The following TTC28 variants were observed in gnomAD, a reference collection of about 807,000 sequenced individuals.
TTC28 encodes tetratricopeptide repeat protein 28.
TTC28 carries 61 observed loss-of-function variants against 198.0 expected under a neutral mutation model. That is an observed-to-expected ratio of 0.31 (90% CI 0.25 to 0.38). The LOEUF (loss-of-function observed/expected upper bound fraction) is 0.38, where lower values mean the gene tolerates loss of function less well. Ranked by LOEUF, TTC28 falls within the 10% of genes least tolerant of loss-of-function variation. The pLI is 1.00. For synonymous variants in TTC28, 1,171 were observed against 1,297.8 expected (o/e 0.90, Z 2.10); for missense variants, 2,678 against 3,164.0 (o/e 0.85, Z 3.69).
rs2146895399 is a variant in TTC28 at position 28,105,929 on chromosome 22, G to C, written c.2784-127C>G. 7.7e-6 allele frequency: 9 copies of C among 1,165,598 alleles called. No homozygotes were observed. In the South Asian group the frequency reaches 1.5e-4, roughly 19 times the overall value. 72.2% of individuals were successfully genotyped at this position (1,165,598 alleles called of 1,614,324 possible). ...ATAGAAGCTCTTAACTCCTCTTCTA[G>C]CTAAAATCTATCATGTGCCCTTAGA... is the stretch of plus-strand genomic sequence containing the variant. On this transcript the variant is annotated intron_variant, in intron 7 of 22. Coordinates refer to ENST00000397906, the MANE Select transcript of TTC28 (RefSeq NM_001145418.2).
chr22:28,191,993 C>G (rs1218528247), intron 5 of TTC28, among the ~76,000 whole-genome samples: 1 of 152,238 alleles, frequency 6.6e-6, no homozygotes, highest in East Asian at 1.9e-4. Flanking sequence ...ACTGCCTCCT[C>G]AGGTGGGTCC....
At chr22:28,270,391 T>C (rs1931983187) in intron 5 of TTC28, among the ~76,000 whole-genome samples, 1 of 152,180 alleles carries the variant, frequency 6.6e-6, no homozygotes, top group African/African-American at 2.4e-5. Context: ...ATGATGGCTC[T>C]AGCAATACTA....
At chr22:28,576,438 GGTTT>G (rs1368077007) in intron 2 of TTC28, among the ~76,000 whole-genome samples, 3 of 151,736 alleles carry the variant, frequency 2.0e-5, no homozygotes, top group Non-Finnish European at 2.9e-5. Flanking sequence ...GACTCTGTAG[GGTTT>G]GTTTGTTTGT....
chr22:28,508,177 T>C (rs1026977268), intron 2 of TTC28, among the ~76,000 whole-genome samples: 15 of 151,102 alleles, frequency 9.9e-5, no homozygotes, highest in Middle Eastern at 3.2e-3. Context: ...AAGACAAACA[T>C]AGTCTCAAAA....
chr22:28,313,203 A>T (rs2045296239), intron 2 of TTC28, among the ~76,000 whole-genome samples: 1 of 152,230 alleles, frequency 6.6e-6, no homozygotes, highest in Non-Finnish European at 1.5e-5. Flanking sequence ...CAGGTTCTGA[A>T]ATTGAGGCAA....
chr22:28,043,054 G>A (rs903402484), intron 12 of TTC28, among the ~76,000 whole-genome samples: 1 of 151,890 alleles, frequency 6.6e-6, no homozygotes, highest in Non-Finnish European at 1.5e-5. Flanking sequence ...GACCAGCCTG[G>A]CCAAAATGGC....
chr22:28,618,208 G>A (rs182440381), intron 2 of TTC28, among the ~76,000 whole-genome samples: 167 of 152,186 alleles, frequency 1.1e-3, no homozygotes, highest in African/African-American at 3.8e-3. Flanking sequence ...CCAGAAGACA[G>A]AGGTTGCAGT....
intron 2 of TTC28, among the ~76,000 whole-genome samples, chr22:28,317,391 C>T (rs140778531): frequency 4.3e-3 from 662 of 152,222 alleles, no homozygotes; most frequent in Non-Finnish European, 7.0e-3. Flanking sequence ...TTAAGAAGAA[C>T]GTAGTTATTG....
intron 2 of TTC28, among the ~76,000 whole-genome samples, chr22:28,412,011 C>T (rs999476946): frequency 1.3e-5 from 2 of 152,174 alleles, no homozygotes; most frequent in African/African-American, 4.8e-5. Context: ...ACTATGGTCA[C>T]TAGAAGTAAT....
intron 2 of TTC28, among the ~76,000 whole-genome samples, chr22:28,559,114 C>G (rs1489404642): frequency 2.6e-5 from 4 of 152,078 alleles, no homozygotes; most frequent in African/African-American, 7.2e-5. Flanking sequence ...TGTAGAGGGC[C>G]TGCTCAAAAA....
At chr22:27,987,573 A>T (rs1937256509) in intron 21 of TTC28, among the ~76,000 whole-genome samples, 1 of 152,208 alleles carries the variant, frequency 6.6e-6, no homozygotes, top group Admixed American at 6.5e-5. Flanking sequence ...GTCTACAAAA[A>T]ATACAAAAAT....
At chr22:28,233,992 C>T (rs974418841) in intron 5 of TTC28, among the ~76,000 whole-genome samples, 24 of 151,754 alleles carry the variant, frequency 1.6e-4, no homozygotes, top group Admixed American at 1.2e-3. Flanking sequence ...CTGCAATCTC[C>T]GCCTCCCGGG....
chr22:28,281,472 C>T (rs1057009789), intron 5 of TTC28, among the ~76,000 whole-genome samples: 6 of 152,030 alleles, frequency 3.9e-5, no homozygotes, highest in Admixed American at 3.9e-4. Flanking sequence ...GATTTCCTAT[C>T]CACTCTTTAT....
chr22:28,647,612 G>A (rs1335645938), intron 1 of TTC28, among the ~76,000 whole-genome samples: 1 of 152,026 alleles, frequency 6.6e-6, no homozygotes, highest in Non-Finnish European at 1.5e-5. Context: ...GGCCAAGGTG[G>A]GCAGATCATG....
rs140030589 is a variant in TTC28 at position 28,029,600 on chromosome 22, T to C, written c.4073+626A>G. ...CAACCCCAACCGCCTGCCCTGTTTA[T>C]CCGGACCCAGCTCAGGTGTCACTCC... On this transcript the variant is annotated intron_variant, in intron 13 of 22. Coordinates refer to ENST00000397906, the MANE Select transcript of TTC28 (RefSeq NM_001145418.2). Among the ~76,000 whole-genome samples the C allele has an allele frequency of 5.1e-3, 778 of 152,284 alleles. 2 individuals carry two copies. The highest frequency in any genetic ancestry group is 0.01 in the Middle Eastern group (3 of 294).
chr22:28,480,628 A>G (rs185361295), intron 2 of TTC28, among the ~76,000 whole-genome samples: 1 of 152,324 alleles, frequency 6.6e-6, no homozygotes, highest in Non-Finnish European at 1.5e-5. Context: ...TACATATGTA[A>G]GAACCAAGTC....
At chr22:28,161,215 ATCTGTAAAT>A (rs1921137746) in intron 6 of TTC28, among the ~76,000 whole-genome samples, 1 of 152,220 alleles carries the variant, frequency 6.6e-6, no homozygotes, top group Admixed American at 6.5e-5. Flanking sequence ...AAAATTTTGT[ATCTGTAAAT>A]GCTTGTAATA....
intron 2 of TTC28, among the ~76,000 whole-genome samples, chr22:28,599,228 G>A (rs1051018675): frequency 2.0e-5 from 3 of 152,238 alleles, no homozygotes; most frequent in Non-Finnish European, 2.9e-5. Flanking sequence ...CTTCTAAATT[G>A]TATAATTTAG....
chr22:28,066,283 TGTGTGTGTGTGTGTGTGTGTG>T (rs1235005792), intron 12 of TTC28, among the ~76,000 whole-genome samples: 1 of 147,934 alleles, frequency 6.8e-6, no homozygotes, highest in Non-Finnish European at 1.5e-5. Context: ...ACCGTGTGTG[TGTGTGTGTGTGTGTGTGTGTG>T]GTGTGTGTGT....
Sources: gnomAD v4.1 joint callset for allele counts (sites outside exome capture counted in the v4.1 genomes callset) on GRCh38, gnomAD v4.1.1 for gene constraint, MANE v1.5 for transcripts, NCBI Gene and HGNC (gene_info 2026-07-23, HGNC 2026-07-21) for gene names.